MYO7B: variants seen among roughly 807,000 people sequenced by gnomAD.
The protein encoded by MYO7B is myosin VIIB, also known as unconventional myosin-VIIb.
Under a neutral mutation model 259.7 loss-of-function variants are expected in MYO7B, and 212 were observed. The ratio of observed to expected loss-of-function variants is 0.82; its 90% CI spans 0.73 to 0.91. MYO7B has a LOEUF of 0.91. Among genes scored for constraint, MYO7B ranks in the 40% least tolerant of loss-of-function variants. MYO7B has a pLI of 0.00. For missense variants in MYO7B, 2,732 were observed against 2,813.5 expected, an observed-to-expected ratio of 0.97 and a Z score of 0.66; for synonymous variants, 1,197 against 1,166.4, an observed-to-expected ratio of 1.03 and a Z score of -0.54.
At chr2:127,568,351 A>G (rs1678442494) in intron 5 of MYO7B, among the ~76,000 whole-genome samples, 1 of 152,248 alleles carries the variant, frequency 6.6e-6, no homozygotes, top group South Asian at 2.1e-4. Context: ...CCTTGCAGTG[A>G]GCAGAATGTC....
chr2:127,624,454 C>T (rs1681006691), intron 30 of MYO7B, 134 bp downstream of exon 30: 1 of 768,234 alleles, frequency 1.3e-6, no homozygotes, highest in African/African-American at 1.8e-5. Context: ...GGTGTAGGTC[C>T]CTTCCAGGCC....
chr2:127,582,165 T>A, intron 11 of MYO7B, 139 bp from the exon 12 acceptor site: 1 of 1,461,154 alleles, frequency 6.8e-7, no homozygotes, highest in Non-Finnish European at 9.2e-7. Flanking sequence ...CTCAGCCTCT[T>A]GGGCCCTGGT....
At chr2:127,573,898 G>A in intron 6 of MYO7B, 22 bp from the exon 7 acceptor site, 1 of 1,613,850 alleles carries the variant, frequency 6.2e-7, no homozygotes, top group Non-Finnish European at 8.5e-7. Flanking sequence ...TCCCATCATG[G>A]GCATCGCCCG....
In MYO7B at chr2:127,609,554, G is replaced by C; in HGVS notation, c.2863G>C (p.Val955Leu). ...QKLLEVDLDT[V>L]PMAEEPEEDV... ...GCTGCTTGAGGTTGACCTGGACACA[G>C]TCCCCATGGCGGAGGAGCCTGAGGA... Residue 955 changes from valine (V) to leucine (L), a missense_variant, in exon 23 of 48, where the codon GTC (valine) becomes CTC (leucine). By Grantham distance (32) the Val-to-Leu change is conservative. This residue lies in a region of MYO7B where 1,906 missense variants were observed against 2,026.4 expected (regional missense o/e 0.94). Coordinates refer to ENST00000409816, the MANE Select transcript of MYO7B (RefSeq NM_001393586.1). The surrounding 1 kb of genome is among the most constrained non-coding windows in gnomAD (Gnocchi z 6.9). The C allele has an allele frequency of 6.2e-7, 1 of 1,613,954 alleles. No individual in the cohort carries two copies. Among genetic ancestry groups the C allele is most frequent in the Non-Finnish European group, 8.5e-7 (1 of 1,179,856 alleles).
Position 127,622,104 on chromosome 2 carries a change from A to G in MYO7B, c.3645+3A>G. On this transcript the variant is annotated splice_donor_region_variant and intron_variant, in intron 28 of 47. Transcript: ENST00000409816. The stretch of plus-strand genomic sequence containing the variant: ...CCCCCACCTGGCTGGAGCTGCAGGT[A>G]GGGGCTGGCAGGGGTGAGAGCGGGC... 1.3e-6 allele frequency: 2 copies of G among 1,548,178 alleles called. No homozygotes were observed. Among genetic ancestry groups the G allele is most frequent in the South Asian group, 1.2e-5 (1 of 83,850 alleles).
In MYO7B at chr2:127,573,041, T is replaced by C. The variant is rs528929472; in HGVS notation, c.593-879T>C. On this transcript the variant is annotated intron_variant, in intron 6 of 47. Coordinates refer to ENST00000409816, the MANE Select transcript of MYO7B (RefSeq NM_001393586.1). ...TCAATAAGTTAAACAGGTTTCGTAATGGTGGCACTTCTCAGAGGCTCTGCT... is the reference window on the plus strand; with the variant it reads ...TCAATAAGTTAAACAGGTTTCGTAACGGTGGCACTTCTCAGAGGCTCTGCT... Among the ~76,000 whole-genome samples, 6 of 152,174 alleles carry C rather than the reference T, an allele frequency of 3.9e-5. No individual in the cohort carries two copies. The South Asian group carries it at 8.3e-4, about 21-fold the overall frequency.
At chr2:127,572,557 C>CTCCT (rs1678689902) in intron 6 of MYO7B, among the ~76,000 whole-genome samples, 1 of 123,160 alleles carries the variant, frequency 8.1e-6, no homozygotes, top group Non-Finnish European at 1.7e-5. Context: ...CTTTCTTTTT[C>CTCCT]TCCTTCCTTC....
intron 18 of MYO7B, among the ~76,000 whole-genome samples, chr2:127,595,869 G>A (rs1039650665): frequency 6.6e-6 from 1 of 152,126 alleles, no homozygotes; most frequent in African/African-American, 2.4e-5. Context: ...TTTGCTGAGG[G>A]TGTTTTACTT....
intron 2 of MYO7B, 58 bp from the exon 3 acceptor site, chr2:127,564,095 C>A (rs1284197202): frequency 1.6e-6 from 2 of 1,252,150 alleles, no homozygotes; most frequent in Admixed American, 4.4e-5. Context: ...AGTAAGTATC[C>A]AGCAGGGAGG....
chr2:127,565,182 GC>G, intron 3 of MYO7B, 50 bp from the exon 4 acceptor site: 1 of 1,578,948 alleles, frequency 6.3e-7, no homozygotes, highest in Admixed American at 1.8e-5. Flanking sequence ...TGGCAGGCTG[GC>G]CATGGGGATG....
rs113260148 is a variant in MYO7B at position 127,616,359 on chromosome 2, A to G, written c.3398+3756A>G. Reference sequence around the variant, plus strand: ...GTTGTGATAGATAAATCTGTCTCCTAGTTGTACTTCCAAATCCCTGACCTC... The same window carrying G: ...GTTGTGATAGATAAATCTGTCTCCTGGTTGTACTTCCAAATCCCTGACCTC... On this transcript the variant is annotated intron_variant, in intron 26 of 47. Transcript: ENST00000409816. Among the ~76,000 whole-genome samples the G allele has an allele frequency of 3.4e-3, 522 of 152,280 alleles. 3 individuals carry two copies. Among genetic ancestry groups the G allele is most frequent in the African/African-American group, 0.012 (482 of 41,538 alleles).
At chr2:127,621,325 G>A (rs1327655262) in intron 27 of MYO7B, among the ~76,000 whole-genome samples, 2 of 149,968 alleles carry the variant, frequency 1.3e-5, no homozygotes, top group Non-Finnish European at 1.5e-5. Context: ...GTGCAGTGGA[G>A]CGATCTTGGT....
At position 127,602,999 on chromosome 2, in the gene MYO7B, CAA is replaced by C. The variant is rs1176015695; in HGVS notation, c.2340-2831_2340-2830del. Among the ~76,000 whole-genome samples the C allele has an allele frequency of 3.8e-3, 460 of 120,406 alleles. 3 individuals carry two copies. Among genetic ancestry groups the C allele is most frequent in the African/African-American group, 0.012 (390 of 33,078 alleles). The allele number at this position is 120,406 out of a possible 152,430, so 79.0% of individuals were successfully genotyped here. On this transcript the variant is annotated intron_variant, in intron 19 of 47. Transcript: ENST00000409816. ...TAGGCGACAGAGTGAGACCTTGTCT[CAA>C]AAAAAAAAAAAAAGTAACTCCTAAT...
chr2:127,583,430 C>T (rs1381801460), intron 12 of MYO7B, among the ~76,000 whole-genome samples: 8 of 152,174 alleles, frequency 5.3e-5, no homozygotes, highest in Non-Finnish European at 7.3e-5. Context: ...CAGAACTTAG[C>T]CCAATGCACT....
chr2:127,601,097 G>A (rs1055318711), intron 19 of MYO7B, among the ~76,000 whole-genome samples: 1 of 152,202 alleles, frequency 6.6e-6, no homozygotes, highest in African/African-American at 2.4e-5. Context: ...TTAGAAGTAT[G>A]TTGTTTGGTT....
intron 18 of MYO7B, among the ~76,000 whole-genome samples, chr2:127,594,785 G>T (rs1055186104): frequency 6.6e-6 from 1 of 152,182 alleles, no homozygotes; most frequent in Non-Finnish European, 1.5e-5. Context: ...GTATTGATTT[G>T]CATATGTTGA....
At chr2:127,538,344 C>T (rs1692871766) in intron 1 of MYO7B, among the ~76,000 whole-genome samples, 1 of 152,142 alleles carries the variant, frequency 6.6e-6, no homozygotes, top group Non-Finnish European at 1.5e-5. Flanking sequence ...AAAACAGTAG[C>T]CACTAGCCAC....
rs558337490 is a variant in MYO7B at position 127,590,360 on chromosome 2, A to T, written c.1992+131A>T. ...TGTTACTGCCCCTACCTTACAGATA[A>T]GTACACTGGGGTAAGGTGACCAGAC... On this transcript the variant is annotated intron_variant, in intron 16 of 47. Coordinates refer to ENST00000409816, the MANE Select transcript of MYO7B (RefSeq NM_001393586.1). This position sits in a 1 kb window ranked among gnomAD's most constrained non-coding sequence, Gnocchi z 4.6. 11 of 1,312,342 alleles carry T rather than the reference A, an allele frequency of 8.4e-6. No individual in the cohort carries two copies. The South Asian group carries it at 1.5e-4, about 18-fold the overall frequency. The allele number at this position is 1,312,342 out of a possible 1,614,324, so 81.3% of individuals were successfully genotyped here.
chr2:127,573,858 CCCA>C (rs1435875985), intron 6 of MYO7B, 59 bp from the exon 7 acceptor site: 13 of 1,598,634 alleles, frequency 8.1e-6, no homozygotes, highest in Non-Finnish European at 1.1e-5. Flanking sequence ...CTTACATGAT[CCCA>C]CTCAAATTAC....
Sources: allele counts gnomAD v4.1 joint callset (sites outside exome capture counted in the v4.1 genomes callset), GRCh38; gene constraint gnomAD v4.1.1; regional missense constraint gnomAD v4.1.1; non-coding constraint Gnocchi (gnomAD v3.1); transcripts MANE v1.5; gene names NCBI Gene and HGNC (gene_info 2026-07-23, HGNC 2026-07-21).